Variants in PEAK1 observed in about 807,000 individuals in gnomAD.
The protein encoded by PEAK1 is pseudopodium enriched atypical kinase 1.
In PEAK1, 54 loss-of-function variants were observed where a neutral mutation model predicts 124.7. That is an observed-to-expected ratio of 0.43 (90% CI 0.35 to 0.54). PEAK1 has a LOEUF of 0.54. Ranked by LOEUF, PEAK1 falls within the 20% of genes least tolerant of loss-of-function variation. The probability of loss-of-function intolerance (pLI) is 0.01; values close to 1 mark genes in which losing one functional copy is unlikely to be tolerated. For missense variants in PEAK1, 2,046 were observed against 2,134.5 expected, an observed-to-expected ratio of 0.96 and a Z score of 0.82; for synonymous variants, 719 against 760.0, an observed-to-expected ratio of 0.95 and a Z score of 0.89.
intron 6 of PEAK1, among the ~76,000 whole-genome samples, chr15:77,250,527 G>A (rs2152924590): frequency 6.6e-6 from 1 of 152,074 alleles, no homozygotes; most frequent in East Asian, 1.9e-4. Context: ...CCACCTTCTG[G>A]GTTCACGCCA....
intron 1 of PEAK1, chr15:77,417,467 G>GC: frequency 1.3e-6 from 1 of 774,324 alleles, no homozygotes; most frequent in Non-Finnish European, 1.6e-6. Flanking sequence ...GGCGGGGGGG[G>GC]AGGGGGGCAA....
At chr15:77,217,222 CAAAAAAA>C (rs34034344) in intron 6 of PEAK1, among the ~76,000 whole-genome samples, 1 of 68,330 alleles carries the variant, frequency 1.5e-5, no homozygotes, top group Non-Finnish European at 2.6e-5. Context: ...GACTCTGTCT[CAAAAAAA>C]AAAAAAAAAA....
chr15:77,145,342 G>A (rs1027282994), intron 8 of PEAK1, among the ~76,000 whole-genome samples: 12 of 152,094 alleles, frequency 7.9e-5, no homozygotes, highest in Non-Finnish European at 4.4e-5. Flanking sequence ...CCAGATATTC[G>A]GGAGGTTGAG....
At chr15:77,105,082 GC>G (rs2050733450), downstream of PEAK1, 1 of 152,168 alleles carries the variant, frequency 6.6e-6, no homozygotes, top group Non-Finnish European at 1.5e-5. Flanking sequence ...TGAACCATAG[GC>G]TTGGAGTTTT....
chr15:77,286,886 C>T (rs989039800), intron 2 of PEAK1, among the ~76,000 whole-genome samples: 10 of 152,198 alleles, frequency 6.6e-5, no homozygotes, highest in Admixed American at 2.0e-4. Context: ...CAGTTCTTAA[C>T]CTTTTGGGTG....
At chr15:77,219,193 C>G (rs571608749) in intron 6 of PEAK1, among the ~76,000 whole-genome samples, 2 of 151,920 alleles carry the variant, frequency 1.3e-5, no homozygotes, top group Admixed American at 1.3e-4. Flanking sequence ...AGAGGCAGTT[C>G]CAGAAGTGCA....
intron 7 of PEAK1, among the ~76,000 whole-genome samples, chr15:77,171,784 G>A (rs756764612): frequency 6.6e-6 from 1 of 151,980 alleles, no homozygotes; most frequent in East Asian, 1.9e-4. Context: ...ACATCACTAC[G>A]TACACCATAA....
intron 1 of PEAK1, among the ~76,000 whole-genome samples, chr15:77,414,270 C>T (rs1314748340): frequency 2.0e-4 from 22 of 111,568 alleles, no homozygotes; most frequent in African/African-American, 7.0e-4. Flanking sequence ...AGTGCAGTGG[C>T]ACAATCACAG....
At chr15:77,101,739 GA>G (rs1481127122) in exon 7 of PEAK1, 2 of 152,130 alleles carry the variant, frequency 1.3e-5, no homozygotes, top group African/African-American at 4.8e-5. Context: ...CTTTCCTTTT[GA>G]AAAGCTCCCC....
chr15:77,217,549 A>G (rs538093884), intron 6 of PEAK1, among the ~76,000 whole-genome samples: 1 of 152,258 alleles, frequency 6.6e-6, no homozygotes, highest in South Asian at 2.1e-4. Flanking sequence ...AACAAGAGCA[A>G]TGTTTTGACA....
intron 5 of PEAK1, among the ~76,000 whole-genome samples, chr15:77,283,057 A>G (rs926920666): frequency 2.0e-5 from 3 of 152,212 alleles, no homozygotes; most frequent in South Asian, 4.1e-4. Context: ...TGGGTACGCA[A>G]TAAGAGGTGG....
At position 77,114,170 on chromosome 15, in the gene PEAK1, G is replaced by C. The variant is rs1246049935; in HGVS notation, c.5227C>G (p.Leu1743Val). ...TDSLSCIVKILQHR is the reference protein window; with the variant it reads ...TDSLSCIVKIVQHR Reference sequence around the variant, plus strand: ...CCAGGTACACATTAACGGTGCTGCAGAATTTTCACAATACAACTGAGGGAG... The same window carrying C: ...CCAGGTACACATTAACGGTGCTGCACAATTTTCACAATACAACTGAGGGAG... Residue 1743 changes from leucine to valine, a missense_variant, in exon 10 of 10, where the codon CTG becomes GTG. Physicochemically the swap from Leu to Val is conservative, Grantham distance 32. Coordinates refer to ENST00000682557, the MANE Select transcript of PEAK1 (RefSeq NM_001385026.1). 5 of 1,613,820 alleles carry C rather than the reference G, an allele frequency of 3.1e-6. No homozygotes were observed. Among genetic ancestry groups the C allele is most frequent in the Non-Finnish European group, 4.2e-6 (5 of 1,179,802 alleles).
At chr15:77,167,261 T>G (rs2056167480) in intron 7 of PEAK1, among the ~76,000 whole-genome samples, 1 of 152,134 alleles carries the variant, frequency 6.6e-6, no homozygotes. Flanking sequence ...GGGTAATAAT[T>G]TGGAACCATT....
At chr15:77,253,933 C>T (rs1567171330) in intron 5 of PEAK1, among the ~76,000 whole-genome samples, 1 of 152,188 alleles carries the variant, frequency 6.6e-6, no homozygotes, top group Admixed American at 6.5e-5. Context: ...ATTCTCCTGC[C>T]TCAGCCTCCT....
chr15:77,167,700 T>C (rs1421382507), intron 7 of PEAK1, among the ~76,000 whole-genome samples: 2 of 152,232 alleles, frequency 1.3e-5, no homozygotes, highest in African/African-American at 4.8e-5. Context: ...ACAACTTTGA[T>C]AGGATTCTCT....
intron 6 of PEAK1, among the ~76,000 whole-genome samples, chr15:77,214,185 T>A (rs2059034259): frequency 6.6e-6 from 1 of 152,126 alleles, no homozygotes; most frequent in African/African-American, 2.4e-5. Flanking sequence ...TCAGCTATCA[T>A]GAATAATATT....
Position 77,133,784 on chromosome 15 carries a change from G to GT in PEAK1, c.3332-35dup. The GT allele has an allele frequency of 6.6e-7, 1 of 1,508,524 alleles. No homozygotes were observed. The highest frequency in any genetic ancestry group is 1.4e-5 in the African/African-American group (1 of 71,562). The allele number at this position is 1,508,524 out of a possible 1,614,324, so 93.4% of individuals were successfully genotyped here. The stretch of plus-strand genomic sequence containing the variant: ...TTTTTAAAGCAATAAAAAGAAAAGA[G>GT]TAAGTAAAGTTTTCAATCTAATTTT... On this transcript the variant is annotated intron_variant, in intron 8 of 9. Transcript: ENST00000682557. The surrounding 1 kb of genome is among the most constrained non-coding windows in gnomAD (Gnocchi z 4.2).
chr15:77,125,510 G>A (rs2052300406), intron 9 of PEAK1, among the ~76,000 whole-genome samples: 1 of 151,992 alleles, frequency 6.6e-6, no homozygotes, highest in Non-Finnish European at 1.5e-5. Flanking sequence ...GTGTGTGTGT[G>A]TGTATATATA....
At chr15:77,200,840 A>C (rs2058327259) in intron 6 of PEAK1, among the ~76,000 whole-genome samples, 1 of 151,992 alleles carries the variant, frequency 6.6e-6, no homozygotes, top group African/African-American at 2.4e-5. Context: ...AACGTGCTTC[A>C]TGTCATTCTG....
Sources: allele counts gnomAD v4.1 joint callset (sites outside exome capture counted in the v4.1 genomes callset), GRCh38; gene constraint gnomAD v4.1.1; non-coding constraint Gnocchi (gnomAD v3.1); transcripts MANE v1.5; gene names NCBI Gene and HGNC (gene_info 2026-07-23, HGNC 2026-07-21).